Variants in WWOX observed in about 807,000 individuals in gnomAD.
WWOX encodes the protein WW domain containing oxidoreductase.
Under a neutral mutation model 46.2 loss-of-function variants are expected in WWOX, and 69 were observed. The observed-to-expected ratio is 1.49, with a 90% CI of 1.23 to 1.82. The LOEUF is 1.82. Ranked by LOEUF, WWOX falls within the 40% of genes most tolerant of loss-of-function variation. The pLI is 0.00. For missense variants in WWOX, 919 were observed against 542.6 expected (o/e 1.69, Z -6.89); for synonymous variants, 359 against 202.6 (o/e 1.77, Z -6.56).
At chr16:78,506,729 G>GA in intron 8 of WWOX, among the ~76,000 whole-genome samples, 1 of 43,676 alleles carries the variant, frequency 2.3e-5, no homozygotes, top group Non-Finnish European at 4.4e-5. Context: ...TTTTTTTTTT[G>GA]TACAGAGTCT....
intron 8 of WWOX, among the ~76,000 whole-genome samples, chr16:78,560,736 G>T (rs1399153092): frequency 6.6e-6 from 1 of 152,146 alleles, no homozygotes; most frequent in Non-Finnish European, 1.5e-5. Context: ...AAAAAAAGCA[G>T]CTATGGTGAT....
At chr16:79,081,323 C>A (rs1484910005) in intron 8 of WWOX, among the ~76,000 whole-genome samples, 2 of 152,082 alleles carry the variant, frequency 1.3e-5, no homozygotes, top group African/African-American at 4.8e-5. Context: ...ACCACTATGC[C>A]CAGCTAATTT....
At chr16:78,576,961 T>G (rs1255339612) in intron 8 of WWOX, among the ~76,000 whole-genome samples, 1 of 152,228 alleles carries the variant, frequency 6.6e-6, no homozygotes, top group Non-Finnish European at 1.5e-5. Flanking sequence ...TTTCATCCCA[T>G]CTTCACTCCA....
chr16:79,066,674 C>T (rs755700423), intron 8 of WWOX, among the ~76,000 whole-genome samples: 21 of 152,210 alleles, frequency 1.4e-4, no homozygotes, highest in Non-Finnish European at 2.5e-4. Context: ...TTAATTCAAT[C>T]GGCGAATTTG....
intron 8 of WWOX, among the ~76,000 whole-genome samples, chr16:78,666,920 CTG>C (rs2047344718): frequency 6.6e-6 from 1 of 152,198 alleles, no homozygotes; most frequent in African/African-American, 2.4e-5. Context: ...TCCCAAGACA[CTG>C]TTGATGTCCA....
At chr16:79,048,829 T>C in intron 8 of WWOX, among the ~76,000 whole-genome samples, 1 of 152,184 alleles carries the variant, frequency 6.6e-6, no homozygotes, top group Non-Finnish European at 1.5e-5. Context: ...ACCAGCATTG[T>C]AGCTGCCCTG....
intron 5 of WWOX, among the ~76,000 whole-genome samples, chr16:78,313,535 T>C (rs1470809023): frequency 6.6e-6 from 1 of 152,114 alleles, no homozygotes; most frequent in African/African-American, 2.4e-5. Context: ...CCAGCTAATT[T>C]TTGTGTTTTT....
At chr16:78,599,189 TA>T (rs1411455162) in intron 8 of WWOX, among the ~76,000 whole-genome samples, 1 of 152,228 alleles carries the variant, frequency 6.6e-6, no homozygotes, top group African/African-American at 2.4e-5. Flanking sequence ...GACAGAAATG[TA>T]AATCACCTCC....
chr16:78,732,402 T>G, intron 8 of WWOX, among the ~76,000 whole-genome samples: 1 of 152,214 alleles, frequency 6.6e-6, no homozygotes, highest in African/African-American at 2.4e-5. Flanking sequence ...CCGCCAGTCA[T>G]AGTCAGCTTC....
chr16:78,725,988 C>T (rs137894112), intron 8 of WWOX, among the ~76,000 whole-genome samples: 51 of 148,928 alleles, frequency 3.4e-4, no homozygotes, highest in African/African-American at 5.9e-4. Flanking sequence ...TTCTCCTTCT[C>T]CTCCTTCTCC....
At position 78,874,854 on chromosome 16, in the gene WWOX, C is replaced by T. The variant is rs192431458; in HGVS notation, c.1057-336754C>T. Among the ~76,000 whole-genome samples the T allele has an allele frequency of 2.6e-5, 4 of 152,074 alleles. No individual in the cohort carries two copies. The East Asian group carries it at 7.8e-4, about 30-fold the overall frequency. On this transcript the variant is annotated intron_variant, in intron 8 of 8. Coordinates refer to ENST00000566780, the MANE Select transcript of WWOX (RefSeq NM_016373.4). ...TAGAAGTGATTTCCACTGGACTTTC[C>T]TACAGCAAGTGGTAAATGATCCCTC...
chr16:79,107,701 G>T (rs1236898086), intron 8 of WWOX, among the ~76,000 whole-genome samples: 1 of 152,098 alleles, frequency 6.6e-6, no homozygotes, highest in South Asian at 2.1e-4. Context: ...AATTTTTCTT[G>T]AAAATGTTCA....
chr16:78,757,876 T>G (rs1431000275), intron 8 of WWOX, among the ~76,000 whole-genome samples: 2 of 152,052 alleles, frequency 1.3e-5, no homozygotes, highest in African/African-American at 4.8e-5. Context: ...TCCACTCTCA[T>G]GACTGAAGTA....
At chr16:79,080,501 T>C (rs547134038) in intron 8 of WWOX, among the ~76,000 whole-genome samples, 68 of 152,328 alleles carry the variant, frequency 4.5e-4, no homozygotes, top group Non-Finnish European at 7.6e-4. Context: ...TACTCCTCTT[T>C]GCACGTTGCA....
intron 8 of WWOX, among the ~76,000 whole-genome samples, chr16:78,602,680 A>C (rs933510376): frequency 6.6e-6 from 1 of 152,214 alleles, no homozygotes; most frequent in South Asian, 2.1e-4. Context: ...GATCATTGTC[A>C]TGACAGGAAT....
chr16:79,066,433 A>C (rs150192612), intron 8 of WWOX, among the ~76,000 whole-genome samples: 3 of 152,168 alleles, frequency 2.0e-5, no homozygotes, highest in Admixed American at 6.5e-5. Flanking sequence ...CAAGTGCGCA[A>C]TTAGGCTCAC....
At chr16:79,181,969 G>A (rs1597452848) in intron 8 of WWOX, among the ~76,000 whole-genome samples, 1 of 152,156 alleles carries the variant, frequency 6.6e-6, no homozygotes, top group East Asian at 1.9e-4. Flanking sequence ...CCTCACCACA[G>A]CTCATTAGTG....
intron 8 of WWOX, among the ~76,000 whole-genome samples, chr16:78,846,239 T>C: frequency 6.6e-6 from 1 of 152,210 alleles, no homozygotes; most frequent in East Asian, 1.9e-4. Context: ...AATACTAACA[T>C]GATACATTTT....
intron 5 of WWOX, among the ~76,000 whole-genome samples, chr16:78,297,731 G>A (rs376902445): frequency 9.2e-5 from 14 of 152,216 alleles, no homozygotes; most frequent in African/African-American, 3.4e-4. Context: ...GGAGACCTAT[G>A]CATGGTGGAA....
Sources: gnomAD v4.1 joint callset for allele counts (sites outside exome capture counted in the v4.1 genomes callset) on GRCh38, gnomAD v4.1.1 for gene constraint, MANE v1.5 for transcripts, NCBI Gene and HGNC (gene_info 2026-07-23, HGNC 2026-07-21) for gene names.